Variants in ABCB5 observed in about 807,000 individuals in gnomAD.
ABCB5 encodes the protein ATP binding cassette subfamily B member 5.
In ABCB5, 155 loss-of-function variants were observed where a neutral mutation model predicts 144.2. The observed-to-expected ratio is 1.08, with a 90% CI of 0.94 to 1.23. The LOEUF (loss-of-function observed/expected upper bound fraction) is 1.23, where lower values mean the gene tolerates loss of function less well. Ranked by LOEUF, ABCB5 falls within the 50% of genes most tolerant of loss-of-function variation. The pLI is 0.00. For synonymous variants in ABCB5, 610 were observed against 528.6 expected, an observed-to-expected ratio of 1.15 and a Z score of -2.11; for missense variants, 1,830 against 1,520.8, an observed-to-expected ratio of 1.20 and a Z score of -3.38.
At chr7:20,680,302 T>TA (rs1189938341) in intron 14 of ABCB5, among the ~76,000 whole-genome samples, 2 of 152,070 alleles carry the variant, frequency 1.3e-5, no homozygotes. Flanking sequence ...GTCACGCCTG[T>TA]AATCCCAGCA....
intron 9 of ABCB5, chr7:20,647,241 G>GGTGT: frequency 9.2e-7 from 1 of 1,086,666 alleles, no homozygotes; most frequent in Non-Finnish European, 1.1e-6. Context: ...AGATTTTTCT[G>GGTGT]GTCACACATC....
At chr7:20,624,219 C>T (rs1783860538) in intron 2 of ABCB5, among the ~76,000 whole-genome samples, 1 of 152,180 alleles carries the variant, frequency 6.6e-6, no homozygotes, top group Non-Finnish European at 1.5e-5. Context: ...TAAGCATTAC[C>T]TGTGGACTGA....
intron 14 of ABCB5, among the ~76,000 whole-genome samples, chr7:20,666,108 T>G (rs1051104858): frequency 1.3e-5 from 2 of 149,708 alleles, no homozygotes; most frequent in Non-Finnish European, 3.0e-5. Flanking sequence ...AGGTGGAGGT[T>G]GCGGTGAGCC....
Position 20,743,006 on chromosome 7 carries a change from A to G in ABCB5, c.3154A>G (p.Ser1052Gly), listed in dbSNP as rs189610663. The change falls in exon 25 of 28, where the codon AGC becomes GGC. Residue 1052 changes from serine (S) to glycine (G), a missense_variant. Coordinates refer to ENST00000404938, the MANE Select transcript of ABCB5 (RefSeq NM_001163941.2). Reference protein sequence around the residue: ...RGKTVAFVGSSGCGKSTSVQL... With the variant: ...RGKTVAFVGSGGCGKSTSVQL... ...AAAGACAGTAGCATTTGTGGGGAGC[A>G]GCGGCTGTGGGAAAAGCACTTCTGT... The G allele has an allele frequency of 1.5e-4, 247 of 1,614,206 alleles. No individual in the cohort carries two copies. In the Middle Eastern group the frequency reaches 1.6e-3, roughly 11 times the overall value.
At chr7:20,711,868 C>CT in intron 20 of ABCB5, among the ~76,000 whole-genome samples, 1 of 51,802 alleles carries the variant, frequency 1.9e-5, no homozygotes, top group East Asian at 5.0e-4. Flanking sequence ...TTTCCTTCCT[C>CT]CCTCCCTCCC....
At chr7:20,618,317 G>T (rs1380166418) in intron 1 of ABCB5, among the ~76,000 whole-genome samples, 1 of 151,912 alleles carries the variant, frequency 6.6e-6, no homozygotes, top group African/African-American at 2.4e-5. Context: ...TTCGTGATTG[G>T]GTTATTGTAC....
intron 1 of ABCB5, among the ~76,000 whole-genome samples, chr7:20,620,111 T>A (rs1441588663): frequency 6.6e-6 from 1 of 152,232 alleles, no homozygotes; most frequent in Non-Finnish European, 1.5e-5. Flanking sequence ...ATGTGATGTG[T>A]TTAGCTTTGT....
chr7:20,755,445 G>C lies in ABCB5; in HGVS notation c.3595G>C (p.Asp1199His). ...CTTCCAGGTGGTTCAGCATGCCCTT[G>C]ATAAAGCCAGGACGGGAAGGACATG... Reference protein sequence around the residue: ...DSEKVVQHALDKARTGRTCLV... With the variant: ...DSEKVVQHALHKARTGRTCLV... The change falls in exon 28 of 28, where the codon GAT becomes CAT. Residue 1199 changes from aspartate (D) to histidine (H), a missense_variant. Physicochemically the swap from Asp to His is moderately conservative, Grantham distance 81. Transcript: ENST00000404938. 1.2e-6 allele frequency: 2 copies of C among 1,614,162 alleles called. No homozygotes were observed. The highest frequency in any genetic ancestry group is 1.1e-5 in the South Asian group (1 of 91,082).
At chr7:20,667,001 G>T (rs1256617253) in intron 14 of ABCB5, 8 of 739,696 alleles carry the variant, frequency 1.1e-5, no homozygotes, top group Non-Finnish European at 1.5e-5. Flanking sequence ...ACTATGAGGA[G>T]TATATCGGTT....
intron 20 of ABCB5, among the ~76,000 whole-genome samples, chr7:20,720,943 CAAAAAAAAAA>C (rs71020677): frequency 5.6e-5 from 4 of 71,062 alleles, no homozygotes; most frequent in Admixed American, 2.0e-4. Context: ...AACTCTGCCT[CAAAAAAAAAA>C]AAAAAAAAAA....
At position 20,643,345 on chromosome 7, in the gene ABCB5, A is replaced by G. The variant is rs1489465211; in HGVS notation, c.476A>G (p.Asp159Gly). ...GACATCGGCTGGTTTGATAGCTGTGACATCGGTGAACTTAACACTCGCATG... is the reference window on the plus strand; with the variant it reads ...GACATCGGCTGGTTTGATAGCTGTGGCATCGGTGAACTTAACACTCGCATG... ...AQDIGWFDSCDIGELNTRMTD... is the reference protein window; with the variant it reads ...AQDIGWFDSCGIGELNTRMTD... The change falls in exon 6 of 28, where the codon GAC (aspartate) becomes GGC (glycine). Residue 159 changes from aspartate (D) to glycine (G), a missense_variant. Coordinates refer to ENST00000404938, the MANE Select transcript of ABCB5 (RefSeq NM_001163941.2). 1.2e-6 allele frequency: 2 copies of G among 1,613,994 alleles called. No homozygotes were observed. Among genetic ancestry groups the G allele is most frequent in the Non-Finnish European group, 1.7e-6 (2 of 1,179,898 alleles).
At chr7:20,665,750 G>T (rs914838002) in intron 14 of ABCB5, among the ~76,000 whole-genome samples, 1 of 139,160 alleles carries the variant, frequency 7.2e-6, no homozygotes, top group African/African-American at 2.6e-5. Context: ...TAGATAGATA[G>T]ATAGATAGAT....
intron 14 of ABCB5, among the ~76,000 whole-genome samples, chr7:20,668,638 G>T (rs539795565): frequency 5.4e-5 from 8 of 148,900 alleles, no homozygotes; most frequent in African/African-American, 2.0e-4. Flanking sequence ...CGTCCGGGAG[G>T]TGAGGGACTC....
intron 1 of ABCB5, among the ~76,000 whole-genome samples, chr7:20,620,146 G>A (rs1263419759): frequency 2.6e-5 from 4 of 152,060 alleles, no homozygotes; most frequent in African/African-American, 2.4e-5. Context: ...ATTGCTTATA[G>A]ATTAGAAAAT....
intron 14 of ABCB5, chr7:20,658,957 C>T (rs1784905512): frequency 7.8e-7 from 1 of 1,278,062 alleles, no homozygotes; most frequent in Non-Finnish European, 1.1e-6. Flanking sequence ...GCACTTTCCA[C>T]CTCCCTAGAG....
intron 20 of ABCB5, among the ~76,000 whole-genome samples, chr7:20,718,397 G>GT (rs1458024983): frequency 6.6e-6 from 1 of 152,196 alleles, no homozygotes; most frequent in Non-Finnish European, 1.5e-5. Context: ...GGTTCTTAGA[G>GT]TTAGTGTATC....
intron 14 of ABCB5, among the ~76,000 whole-genome samples, chr7:20,663,731 TTTG>T (rs1785078481): frequency 6.7e-6 from 1 of 149,988 alleles, no homozygotes; most frequent in African/African-American, 2.5e-5. Flanking sequence ...TTTTTTTTTT[TTTG>T]AGATGGAATC....
intron 19 of ABCB5, among the ~76,000 whole-genome samples, chr7:20,700,645 C>A (rs1052994220): frequency 6.6e-6 from 1 of 152,166 alleles, no homozygotes; most frequent in Admixed American, 6.5e-5. Context: ...GCCTGCCTCA[C>A]GCAGATGATC....
intron 14 of ABCB5, among the ~76,000 whole-genome samples, chr7:20,667,856 C>T (rs867455874): frequency 6.9e-4 from 101 of 145,538 alleles, no homozygotes; most frequent in Middle Eastern, 3.8e-3. Flanking sequence ...CGAGTGCCTG[C>T]GATTGCAGGC....
Sources: allele counts gnomAD v4.1 joint callset (sites outside exome capture counted in the v4.1 genomes callset), GRCh38; gene constraint gnomAD v4.1.1; transcripts MANE v1.5; gene names NCBI Gene and HGNC (gene_info 2026-07-23, HGNC 2026-07-21).